The following CCNB3 variants were observed in gnomAD, a reference collection of about 807,000 sequenced individuals.
CCNB3 encodes G2/mitotic-specific cyclin-B3.
A neutral mutation model predicts 68.0 loss-of-function variants in CCNB3; 12 were observed. The observed-to-expected ratio is 0.18, with a 90% CI of 0.11 to 0.29. The LOEUF is 0.29. Among genes scored for constraint, CCNB3 ranks in the 10% least tolerant of loss-of-function variants. The pLI is 1.00. For missense variants in CCNB3, 904 were observed against 993.1 expected (o/e 0.91, Z 1.21); for synonymous variants, 354 against 388.9 (o/e 0.91, Z 1.06).
At chrX:50,344,835 C>G (rs897272292) in intron 9 of CCNB3, among the ~76,000 whole-genome samples, 6 of 111,792 alleles carry the variant, frequency 5.4e-5, no homozygotes, top group African/African-American at 2.0e-4. Context: ...TAACTAACCT[C>G]TCTGATTCCC....
chrX:50,221,618 A>G (rs1935674932), intron 1 of CCNB3, among the ~76,000 whole-genome samples: 1 of 111,509 alleles, frequency 9.0e-6, no homozygotes, highest in Admixed American at 9.6e-5. Context: ...TACTAATTTG[A>G]TTGCACTGTG....
chrX:50,279,151 AAT>A (rs1477065632), intron 1 of CCNB3, among the ~76,000 whole-genome samples: 1 of 35,188 alleles, frequency 2.8e-5, no homozygotes, highest in African/African-American at 1.2e-4. Flanking sequence ...AAATATATAG[AAT>A]ATATATATTC....
chrX:50,206,116 G>A (rs1371287152), intron 1 of CCNB3, among the ~76,000 whole-genome samples: 4 of 110,207 alleles, frequency 3.6e-5, no homozygotes, highest in Non-Finnish European at 7.6e-5. Context: ...GGACATGGTG[G>A]CATGCGTCTA....
At chrX:50,335,058 T>C (rs1922782388) in intron 8 of CCNB3, among the ~76,000 whole-genome samples, 1 of 112,068 alleles carries the variant, frequency 8.9e-6, no homozygotes, top group African/African-American at 3.2e-5. Flanking sequence ...CCGTCCCTTT[T>C]GTGCACCCGA....
chrX:50,221,286 T>C (rs2146986778), intron 1 of CCNB3, among the ~76,000 whole-genome samples: 1 of 111,803 alleles, frequency 8.9e-6, no homozygotes, highest in South Asian at 3.8e-4. Flanking sequence ...AGTTCTGCTC[T>C]GATCTTAGTT....
At chrX:50,335,024 C>T (rs1429308057) in intron 8 of CCNB3, among the ~76,000 whole-genome samples, 1 of 112,067 alleles carries the variant, frequency 8.9e-6, no homozygotes, top group Admixed American at 9.4e-5. Flanking sequence ...TACCCACAGT[C>T]CTCCAGGTGC....
chrX:50,228,674 T>C (rs1935981825), intron 1 of CCNB3, among the ~76,000 whole-genome samples: 2 of 83,072 alleles, frequency 2.4e-5, no homozygotes, highest in East Asian at 6.9e-4. Context: ...ATATATAGAA[T>C]ATATATAGAA....
intron 8 of CCNB3, among the ~76,000 whole-genome samples, chrX:50,316,725 C>A (rs922060762): frequency 1.8e-5 from 2 of 112,138 alleles, no homozygotes; most frequent in Non-Finnish European, 3.8e-5. Flanking sequence ...ATGAGACTGG[C>A]TTCTTTCATT....
intron 5 of CCNB3, among the ~76,000 whole-genome samples, chrX:50,295,943 C>T (rs782197630): frequency 2.7e-4 from 30 of 111,075 alleles, no homozygotes; most frequent in Admixed American, 8.6e-4. Flanking sequence ...GAAAATAACA[C>T]GCACAGTCCA....
In CCNB3 at chrX:50,346,807, G is replaced by A. The variant is rs782405123; in HGVS notation, c.3810G>A (p.Arg1270=). 4 of 1,207,730 alleles carry A rather than the reference G, an allele frequency of 3.3e-6. No homozygotes were observed. In the South Asian group the frequency reaches 7.1e-5, roughly 22 times the overall value. Residue 1270 remains arginine, a splice_region_variant and synonymous_variant, in exon 10 of 13, where the codon AGG becomes AGA. Coordinates refer to ENST00000376042, the MANE Select transcript of CCNB3 (RefSeq NM_033031.3). ...ACCATTTTCTGCGCAGATATGCTAG[G>A]GTAAGAGAGAAGAGACACATCTTCA... ...IAYHFLRRYA[R]CIHTNMKTLT...
intron 8 of CCNB3, among the ~76,000 whole-genome samples, chrX:50,335,796 T>C (rs1922821954): frequency 9.0e-6 from 1 of 111,675 alleles, no homozygotes; most frequent in Admixed American, 9.5e-5. Context: ...AGTTTAGCTG[T>C]AAAGAGCCCT....
At chrX:50,351,109 G>A (rs1923656915) in intron 11 of CCNB3, 132 bp from the exon 12 acceptor site, 15 of 691,404 alleles carry the variant, frequency 2.2e-5, no homozygotes, top group Non-Finnish European at 3.1e-5. Context: ...TCCAGATGGT[G>A]TGAGTCTTTG....
chrX:50,321,027 G>A (rs1467605265), intron 8 of CCNB3, among the ~76,000 whole-genome samples: 2 of 111,241 alleles, frequency 1.8e-5, no homozygotes, highest in African/African-American at 6.5e-5. Context: ...AAATAACCCT[G>A]TAGTGAATAT....
chrX:50,320,947 G>A (rs187817023), intron 8 of CCNB3, among the ~76,000 whole-genome samples: 72 of 111,045 alleles, frequency 6.5e-4, no homozygotes, highest in African/African-American at 1.9e-3. Context: ...TTGCAGTATG[G>A]TATTTCTCTT....
intron 1 of CCNB3, among the ~76,000 whole-genome samples, chrX:50,279,936 A>T (rs1318333307): frequency 2.3e-5 from 2 of 86,988 alleles, no homozygotes; most frequent in South Asian, 5.0e-4. Context: ...ATAAATATGT[A>T]TTTATAATAT....
At chrX:50,338,294 C>G (rs1359093916) in intron 8 of CCNB3, among the ~76,000 whole-genome samples, 1 of 112,385 alleles carries the variant, frequency 8.9e-6, no homozygotes, top group African/African-American at 3.2e-5. Context: ...ACCTCTCAGA[C>G]ACCGAGTTGT....
chrX:50,333,751 G>C (rs1449943514), intron 8 of CCNB3, among the ~76,000 whole-genome samples: 1 of 110,783 alleles, frequency 9.0e-6, no homozygotes, highest in African/African-American at 3.3e-5. Context: ...GAGTAAGGGG[G>C]CTGCTACCAA....
At chrX:50,221,816 G>A (rs1346238818) in intron 1 of CCNB3, among the ~76,000 whole-genome samples, 1 of 111,230 alleles carries the variant, frequency 9.0e-6, no homozygotes, top group Non-Finnish European at 1.9e-5. Flanking sequence ...TTCAAGTCCT[G>A]AATATCCTTG....
At chrX:50,279,689 C>CA (rs1474765251) in intron 1 of CCNB3, among the ~76,000 whole-genome samples, 1 of 85,562 alleles carries the variant, frequency 1.2e-5, no homozygotes, top group Non-Finnish European at 2.2e-5. Flanking sequence ...TTCATCTATG[C>CA]AAACATATAT....
Sources: gnomAD v4.1 joint callset for allele counts (sites outside exome capture counted in the v4.1 genomes callset) on GRCh38, gnomAD v4.1.1 for gene constraint, MANE v1.5 for transcripts, NCBI Gene and HGNC (gene_info 2026-07-23, HGNC 2026-07-21) for gene names.